Variants in APC observed in about 807,000 individuals in gnomAD.
APC encodes the protein adenomatous polyposis coli protein.
APC carries 72 observed loss-of-function variants against 247.0 expected under a neutral mutation model. The ratio of observed to expected loss-of-function variants is 0.29; its 90% CI spans 0.24 to 0.35. APC has a LOEUF of 0.35. Ranked by LOEUF, APC falls within the 10% of genes least tolerant of loss-of-function variation. APC has a pLI of 1.00. For synonymous variants in APC, 1,254 were observed against 1,162.5 expected (o/e 1.08, Z -1.60); for missense variants, 3,400 against 3,360.7 (o/e 1.01, Z -0.29).
intron 1 of APC, among the ~76,000 whole-genome samples, chr5:112,732,424 G>T (rs968129785): frequency 7.2e-5 from 11 of 152,240 alleles, no homozygotes; most frequent in Admixed American, 5.9e-4. Context: ...TAGTCCCGTG[G>T]CTGCATCACA....
chr5:112,740,255 T>C (rs190120751), intron 1 of APC, among the ~76,000 whole-genome samples: 1 of 152,302 alleles, frequency 6.6e-6, no homozygotes, highest in African/African-American at 2.4e-5. Context: ...GATCGTCTTA[T>C]TAATCATATG....
chr5:112,836,174 C>CCCCG, intron 15 of APC, among the ~76,000 whole-genome samples: 1 of 76,492 alleles, frequency 1.3e-5, no homozygotes, highest in Non-Finnish European at 3.1e-5. Flanking sequence ...GTCCCCCCCC[C>CCCCG]CCCCCGCCAC....
intron 11 of APC, among the ~76,000 whole-genome samples, chr5:112,824,980 A>G (rs1304900899): frequency 2.6e-5 from 4 of 152,108 alleles, no homozygotes; most frequent in Admixed American, 6.6e-5. Flanking sequence ...CACATTATTG[A>G]ACTGACTATG....
In APC at chr5:112,767,154, A is replaced by G. The variant is rs920959804; in HGVS notation, c.221-35A>G. 12 of 1,499,672 alleles carry G rather than the reference A, an allele frequency of 8.0e-6. No individual in the cohort carries two copies. The African/African-American group carries it at 1.4e-4, about 17-fold the overall frequency. The allele number at this position is 1,499,672 out of a possible 1,614,324, so 92.9% of individuals were successfully genotyped here. ...AGAATATTTTAGACTGCTTAAAGCA[A>G]TTGTTGTATAAAAACTTGTTTCTAT... On this transcript the variant is annotated intron_variant, in intron 3 of 15. Coordinates refer to ENST00000257430, the MANE Select transcript of APC (RefSeq NM_000038.6).
At position 112,738,768 on chromosome 5, in the gene APC, T is replaced by A. The variant is rs183345776; in HGVS notation, c.-19+843T>A. On this transcript the variant is annotated intron_variant, in intron 1 of 15. Transcript: ENST00000257430. ...TGCAGCCTGAACAGCAGAAAAAAAA[T>A]TACTGTTTTTTAAAGTAGGAATAAT... Among the ~76,000 whole-genome samples the A allele has an allele frequency of 3.7e-3, 564 of 152,246 alleles. 4 individuals are homozygous for A. Among genetic ancestry groups the A allele is most frequent in the African/African-American group, 0.013 (548 of 41,560 alleles).
chr5:112,785,499 T>C (rs529248925), intron 6 of APC, among the ~76,000 whole-genome samples: 24 of 152,256 alleles, frequency 1.6e-4, no homozygotes, highest in Admixed American at 3.3e-4. Context: ...TTTTGGAACC[T>C]AGAAAAATGA....
At chr5:112,745,480 A>G (rs1366948300) in intron 1 of APC, among the ~76,000 whole-genome samples, 1 of 152,056 alleles carries the variant, frequency 6.6e-6, no homozygotes, top group Non-Finnish European at 1.5e-5. Flanking sequence ...TAAAATTTAT[A>G]TTATTAAGGA....
rs1051184959 is a variant in APC at position 112,846,070 on chromosome 5, G to A, written c.*1944G>A. On this transcript the variant is annotated 3_prime_UTR_variant, in exon 16 of 16. Transcript: ENST00000257430. Reference sequence around the variant, plus strand: ...TGCTATGACTTGAGCTAAGATATTTGACTCCAATGCCTGTACTGTGTCTAC... The same window carrying A: ...TGCTATGACTTGAGCTAAGATATTTAACTCCAATGCCTGTACTGTGTCTAC... The A allele has an allele frequency of 3.0e-5, 7 of 231,976 alleles. No individual in the cohort carries two copies. The Admixed American group carries it at 3.9e-4, about 13-fold the overall frequency. 14.4% of individuals were successfully genotyped at this position (231,976 alleles called of 1,614,324 possible).
chr5:112,740,127 A>C (rs1418331263), intron 1 of APC, among the ~76,000 whole-genome samples: 1 of 152,216 alleles, frequency 6.6e-6, no homozygotes, highest in Admixed American at 6.5e-5. Flanking sequence ...TGAAAAGGCA[A>C]TCCTACTTGG....
chr5:112,840,509 C>T lies in APC; in HGVS notation c.4915C>T (p.Pro1639Ser), dbSNP rs2149927256. 2 of 1,614,130 alleles carry T rather than the reference C, an allele frequency of 1.2e-6. No individual in the cohort carries two copies. Among genetic ancestry groups the T allele is most frequent in the Non-Finnish European group, 1.7e-6 (2 of 1,180,004 alleles). Residue 1639 changes from proline to serine, a missense_variant, in exon 16 of 16, where the codon CCA (proline) becomes TCA (serine). This residue lies in a region of APC where 1,788 missense variants were observed against 1,649.5 expected (regional missense o/e 1.08). Transcript: ENST00000257430. The surrounding 1 kb of genome is among the most constrained non-coding windows in gnomAD (Gnocchi z 4.1). The part of the protein sequence containing the change: ...HVSFTPGDDM[P>S]RVYCVEGTPI... The stretch of plus-strand genomic sequence containing the variant: ...TAGTTTTACACCGGGGGATGATATG[C>T]CACGGGTGTATTGTGTTGAAGGGAC...
At chr5:112,780,736 A>T (rs1045067289) in intron 5 of APC, 54 bp from the exon 6 acceptor site, 3 of 1,285,206 alleles carry the variant, frequency 2.3e-6, no homozygotes, top group Admixed American at 1.8e-5. Context: ...TTTTGCTTTT[A>T]CTGATTAACG....
intron 2 of APC, among the ~76,000 whole-genome samples, chr5:112,765,917 A>G (rs1486953465): frequency 6.6e-6 from 1 of 152,130 alleles, no homozygotes; most frequent in Non-Finnish European, 1.5e-5. Flanking sequence ...ATTATGTGTT[A>G]ATTTGGTGTT....
intron 2 of APC, among the ~76,000 whole-genome samples, chr5:112,764,139 G>A (rs1316828528): frequency 6.6e-6 from 1 of 151,840 alleles, no homozygotes; most frequent in African/African-American, 2.4e-5. Flanking sequence ...CCAGCTACTG[G>A]GGAGGCTGAG....
intron 1 of APC, among the ~76,000 whole-genome samples, chr5:112,717,627 G>C (rs545809232): frequency 6.6e-6 from 1 of 152,068 alleles, no homozygotes; most frequent in African/African-American, 2.4e-5. Flanking sequence ...TCAACTCTTT[G>C]TGTCTCAACT....
At chr5:112,733,664 T>C (rs1482388333), upstream of APC, among the ~76,000 whole-genome samples, 1 of 152,244 alleles carries the variant, frequency 6.6e-6, no homozygotes. Flanking sequence ...TTTAGACTTC[T>C]GACCTACAAA....
At chr5:112,730,072 A>C (rs1034760234) in intron 1 of APC, among the ~76,000 whole-genome samples, 1 of 152,174 alleles carries the variant, frequency 6.6e-6, no homozygotes, top group African/African-American at 2.4e-5. Flanking sequence ...ATTTAAAGAA[A>C]TTTTGTTCCA....
intron 8 of APC, among the ~76,000 whole-genome samples, chr5:112,806,017 C>T (rs985768279): frequency 2.0e-5 from 3 of 152,156 alleles, no homozygotes; most frequent in African/African-American, 7.2e-5. Context: ...CCACACTGGC[C>T]TTCTCTCAGT....
intron 1 of APC, among the ~76,000 whole-genome samples, chr5:112,748,211 A>G: frequency 6.6e-6 from 1 of 152,316 alleles, no homozygotes; most frequent in East Asian, 1.9e-4. Context: ...ATGTAAGCAA[A>G]GGAAAGTGTG....
At chr5:112,822,923 A>C (rs1763288919) in intron 11 of APC, among the ~76,000 whole-genome samples, 1 of 152,162 alleles carries the variant, frequency 6.6e-6, no homozygotes, top group South Asian at 2.1e-4. Context: ...CTTCAGAGTC[A>C]TCACTTTGGG....
Sources: allele counts gnomAD v4.1 joint callset (sites outside exome capture counted in the v4.1 genomes callset), GRCh38; gene constraint gnomAD v4.1.1; regional missense constraint gnomAD v4.1.1; non-coding constraint Gnocchi (gnomAD v3.1); transcripts MANE v1.5; gene names NCBI Gene and HGNC (gene_info 2026-07-23, HGNC 2026-07-21).